Variants in ARMH4 observed in about 807,000 individuals in gnomAD.
ARMH4 encodes armadillo like helical domain containing 4.
A neutral mutation model predicts 61.9 loss-of-function variants in ARMH4; 49 were observed. The ratio of observed to expected loss-of-function variants is 0.79; its 90% CI spans 0.63 to 1.00. The LOEUF (loss-of-function observed/expected upper bound fraction) is 1.00. ARMH4 is among the 50% of genes least tolerant of loss of function. ARMH4 has a pLI of 0.00. For synonymous variants in ARMH4, 368 were observed against 341.5 expected, an observed-to-expected ratio of 1.08 and a Z score of -0.85; for missense variants, 934 against 930.0, an observed-to-expected ratio of 1.00 and a Z score of -0.06.
chr14:58,110,270 A>C (rs1886309798), intron 4 of ARMH4, among the ~76,000 whole-genome samples: 1 of 152,128 alleles, frequency 6.6e-6, no homozygotes, highest in African/African-American at 2.4e-5. Context: ...TGAAGTATAT[A>C]TGTATTGTGG....
chr14:58,094,103 G>T (rs1180619237), intron 5 of ARMH4, among the ~76,000 whole-genome samples: 1 of 152,064 alleles, frequency 6.6e-6, no homozygotes, highest in Non-Finnish European at 1.5e-5. Flanking sequence ...GCCACGGCGG[G>T]CAGATCACCT....
At position 58,003,604 on chromosome 14, in the gene ARMH4, AG is replaced by A. The variant is rs1828201131; in HGVS notation, c.*1131del. On this transcript the variant is annotated 3_prime_UTR_variant, in exon 8 of 8. Coordinates refer to ENST00000267485, the MANE Select transcript of ARMH4 (RefSeq NM_001001872.4). The stretch of plus-strand genomic sequence containing the variant: ...TGGAATATCCTATTTTGTATAGGGC[AG>A]GGAATTACATTCCAAGGGAGATGAG... The A allele has an allele frequency of 6.6e-6, 1 of 152,258 alleles. No individual in the cohort carries two copies. Among genetic ancestry groups the A allele is most frequent in the South Asian group, 2.1e-4 (1 of 4,834 alleles). The allele number at this position is 152,258 out of a possible 1,614,324, so 9.4% of individuals were successfully genotyped here.
chr14:58,113,076 C>T (rs573717931), intron 4 of ARMH4, among the ~76,000 whole-genome samples: 1 of 152,252 alleles, frequency 6.6e-6, no homozygotes, highest in South Asian at 2.1e-4. Flanking sequence ...ATTCACAACC[C>T]ATATTCTTTT....
intron 5 of ARMH4, among the ~76,000 whole-genome samples, chr14:58,090,763 C>G (rs1476340556): frequency 6.6e-6 from 1 of 151,524 alleles, no homozygotes; most frequent in Non-Finnish European, 1.5e-5. Context: ...GCCTGTAATC[C>G]CAGCTACTCG....
chr14:58,020,908 G>C (rs995258219), intron 5 of ARMH4, among the ~76,000 whole-genome samples: 9 of 152,308 alleles, frequency 5.9e-5, no homozygotes, highest in Admixed American at 3.3e-4. Context: ...AGAGCCACTG[G>C]TTTAGTTCCA....
intron 5 of ARMH4, among the ~76,000 whole-genome samples, chr14:58,092,932 C>T (rs766457472): frequency 4.0e-5 from 6 of 151,888 alleles, no homozygotes; most frequent in Non-Finnish European, 8.8e-5. Flanking sequence ...GGGTGTGCCC[C>T]AACCCAAATC....
chr14:58,103,444 A>G lies in ARMH4; in HGVS notation c.1832-6463T>C, dbSNP rs1300648138. The stretch of plus-strand genomic sequence containing the variant: ...AAGAAGACCCTTGCCAGATGCTGGT[A>G]CCTTGGTCTTGGACCCCTCAGCCTC... On this transcript the variant is annotated intron_variant, in intron 4 of 7. Coordinates refer to ENST00000267485, the MANE Select transcript of ARMH4 (RefSeq NM_001001872.4). Among the ~76,000 whole-genome samples, 4 of 152,170 alleles carry G rather than the reference A, an allele frequency of 2.6e-5. No individual in the cohort carries two copies. In the South Asian group the frequency reaches 6.2e-4, roughly 24 times the overall value.
At chr14:58,071,922 A>T (rs566733497) in intron 5 of ARMH4, among the ~76,000 whole-genome samples, 1 of 152,356 alleles carries the variant, frequency 6.6e-6, no homozygotes, top group African/African-American at 2.4e-5. Flanking sequence ...AGGAATCCAG[A>T]TGCTGTCTTT....
chr14:58,122,020 C>CGTA (rs1190745458), intron 4 of ARMH4, among the ~76,000 whole-genome samples: 11 of 152,204 alleles, frequency 7.2e-5, no homozygotes, highest in Non-Finnish European at 1.6e-4. Context: ...GTCATCTCCA[C>CGTA]TGTGTATCAG....
intron 1 of ARMH4, among the ~76,000 whole-genome samples, chr14:58,148,054 T>C (rs1179043827): frequency 6.6e-6 from 1 of 152,090 alleles, no homozygotes; most frequent in African/African-American, 2.4e-5. Context: ...TGGTTTTTTG[T>C]TTGTTTTATT....
In ARMH4 at chr14:58,050,619, C is replaced by T. The variant is rs139803098; in HGVS notation, c.2090-38469G>A. 2.1e-3 allele frequency among the ~76,000 whole-genome samples: 325 copies of T among 151,820 alleles called. 2 individuals carry two copies. The highest frequency in any genetic ancestry group is 7.6e-3 in the African/African-American group (314 of 41,428). On this transcript the variant is annotated intron_variant, in intron 5 of 7. Transcript: ENST00000267485. The stretch of plus-strand genomic sequence containing the variant: ...CAGTCTTGCCTTATGTTGAGGTTTG[C>T]CTCTTTTTTTCTGTTTTATTGCTCT...
intron 5 of ARMH4, among the ~76,000 whole-genome samples, chr14:58,052,128 G>T (rs1884164442): frequency 6.6e-6 from 1 of 152,044 alleles, no homozygotes; most frequent in Admixed American, 6.6e-5. Context: ...AGCATCCAAG[G>T]TCCCTCCTTC....
At chr14:58,078,522 T>G (rs1166706600) in intron 5 of ARMH4, among the ~76,000 whole-genome samples, 1 of 152,204 alleles carries the variant, frequency 6.6e-6, no homozygotes, top group Non-Finnish European at 1.5e-5. Context: ...CACTCACTCT[T>G]TCCTTGTTGG....
Position 58,081,929 on chromosome 14 carries a change from A to C in ARMH4, c.2089+14795T>G, listed in dbSNP as rs1317244257. Among the ~76,000 whole-genome samples the C allele has an allele frequency of 2.6e-5, 4 of 151,926 alleles. No homozygotes were observed. In the South Asian group the frequency reaches 6.2e-4, roughly 24 times the overall value. On this transcript the variant is annotated intron_variant, in intron 5 of 7. Transcript: ENST00000267485. ...ACATGTTCCAAAAATTAAAATATAT[A>C]ATTAACCTGGGAAGGGAAAAAAAAA...
chr14:58,142,098 C>G (rs1887582682), intron 1 of ARMH4, among the ~76,000 whole-genome samples: 1 of 152,050 alleles, frequency 6.6e-6, no homozygotes, highest in Admixed American at 6.5e-5. Flanking sequence ...AGGGCCTTTT[C>G]TTTTCCCATC....
At chr14:58,006,861 T>G (rs1292552208) in intron 6 of ARMH4, among the ~76,000 whole-genome samples, 2 of 152,206 alleles carry the variant, frequency 1.3e-5, no homozygotes, top group Middle Eastern at 6.8e-3. Context: ...TATACATATG[T>G]AACAAACCTG....
intron 5 of ARMH4, among the ~76,000 whole-genome samples, chr14:58,034,250 A>C (rs1472517527): frequency 1.5e-5 from 2 of 133,646 alleles, no homozygotes; most frequent in Non-Finnish European, 3.3e-5. Context: ...GCCAATATTC[A>C]ACATTCTTAA....
chr14:58,121,619 T>G (rs2141305728), intron 4 of ARMH4, among the ~76,000 whole-genome samples: 1 of 152,360 alleles, frequency 6.6e-6, no homozygotes, highest in Non-Finnish European at 1.5e-5. Flanking sequence ...GAGTGCTACG[T>G]AATGGATGTA....
chr14:58,087,536 A>G (rs1885421760), intron 5 of ARMH4, among the ~76,000 whole-genome samples: 1 of 152,196 alleles, frequency 6.6e-6, no homozygotes, highest in African/African-American at 2.4e-5. Context: ...TCATTTTCTC[A>G]AAAGAAAATT....
Sources: gnomAD v4.1 joint callset for allele counts (sites outside exome capture counted in the v4.1 genomes callset) on GRCh38, gnomAD v4.1.1 for gene constraint, MANE v1.5 for transcripts, NCBI Gene and HGNC (gene_info 2026-07-23, HGNC 2026-07-21) for gene names.